The following USP34 variants were observed in gnomAD, a reference collection of about 807,000 sequenced individuals.
USP34 encodes the protein ubiquitin carboxyl-terminal hydrolase 34.
USP34 carries 70 observed loss-of-function variants against 460.3 expected under a neutral mutation model. The ratio of observed to expected loss-of-function variants is 0.15; its 90% CI spans 0.13 to 0.19. The LOEUF (loss-of-function observed/expected upper bound fraction) is 0.19. USP34 is among the 10% of genes least tolerant of loss of function. USP34 has a pLI of 1.00. For missense variants in USP34, 3,985 were observed against 4,236.2 expected (o/e 0.94, Z 1.65); for synonymous variants, 1,647 against 1,405.3 (o/e 1.17, Z -3.85).
Position 61,188,408 on chromosome 2 carries a change from G to A in USP34, c.10335C>T (p.Asp3445=), listed in dbSNP as rs373276020. Residue 3445 remains aspartate, a synonymous_variant, in exon 80 of 80, where the codon GAC becomes GAT. Transcript: ENST00000398571. ...AEEQSNNGRY[D]DCKEFKDLHC... ...GGAGGTCTTTAAATTCTTTACAATC[G>A]TCATATCTACCATTGTTGGACTGTT... 55 of 1,614,016 alleles carry A rather than the reference G, an allele frequency of 3.4e-5. No individual in the cohort carries two copies. The highest frequency in any genetic ancestry group is 1.5e-4 in the South Asian group (14 of 91,090).
In USP34 at chr2:61,390,499, TTTG is replaced by T. The variant is rs1233123754; in HGVS notation, c.753+4351_753+4353del. Among the ~76,000 whole-genome samples the T allele has an allele frequency of 4.6e-5, 7 of 152,334 alleles. No individual in the cohort carries two copies. In the East Asian group the frequency reaches 1.4e-3, roughly 29 times the overall value. On this transcript the variant is annotated intron_variant, in intron 5 of 79. Transcript: ENST00000398571. Reference sequence around the variant, plus strand: ...AAAGTAAGAAAACTACATAAAGATCTTTGTTGTTTTCTTGTGGGTGCAGCTGTT... The same window carrying T: ...AAAGTAAGAAAACTACATAAAGATCTTTGTTTTCTTGTGGGTGCAGCTGTT...
chr2:61,334,186 G>A (rs541772729), intron 18 of USP34, among the ~76,000 whole-genome samples: 11 of 152,112 alleles, frequency 7.2e-5, no homozygotes, highest in African/African-American at 2.4e-4. Context: ...GATCTTTAAG[G>A]TAAAACACAC....
intron 62 of USP34, 170 bp downstream of exon 62, chr2:61,226,897 G>T: frequency 1.3e-6 from 1 of 792,456 alleles, no homozygotes; most frequent in Non-Finnish European, 1.8e-6. Flanking sequence ...CACAAGAGTT[G>T]ATGAATAGTA....
chr2:61,431,707 T>C (rs896757651), intron 1 of USP34, among the ~76,000 whole-genome samples: 2 of 151,830 alleles, frequency 1.3e-5, no homozygotes, highest in Admixed American at 6.6e-5. Context: ...TTCAAAAACT[T>C]AGCCGGGCAT....
In USP34 at chr2:61,370,524, T is replaced by C. The variant is rs1692587301; in HGVS notation, c.1132A>G (p.Ile378Val). The change falls in exon 9 of 80, where the codon ATA becomes GTA. Residue 378 changes from isoleucine to valine, a missense_variant. Coordinates refer to ENST00000398571, the MANE Select transcript of USP34 (RefSeq NM_014709.4). The stretch of plus-strand genomic sequence containing the variant: ...TCAATATGTAAATTTGGTCCAAATA[T>C]ATGCTCCACCACATTGTTGCTAATA... ...WLISNNVVEH[I>V]FGPNLHIEII... 1.2e-6 allele frequency: 2 copies of C among 1,613,900 alleles called. No individual in the cohort carries two copies. Among genetic ancestry groups the C allele is most frequent in the African/African-American group, 1.3e-5 (1 of 74,908 alleles).
chr2:61,241,568 A>G lies in USP34; in HGVS notation c.6769T>C (p.Leu2257=). Residue 2257 remains leucine, a synonymous_variant, in exon 53 of 80, where the codon TTA becomes CTA. Coordinates refer to ENST00000398571, the MANE Select transcript of USP34 (RefSeq NM_014709.4). ...ATGAAATTAACTTATACCTCTAGTA[A>G]CTCTGACGAAACATCAAATTTGTAT... ...REYKFDVSSE[L]LEWIWHDNMQ... is the part of the protein sequence containing the mutation. 1 of 1,600,588 alleles carries G rather than the reference A, an allele frequency of 6.2e-7. No homozygotes were observed. Among genetic ancestry groups the G allele is most frequent in the Non-Finnish European group, 8.5e-7 (1 of 1,175,930 alleles).
At chr2:61,327,987 A>G (rs1032954596) in intron 20 of USP34, among the ~76,000 whole-genome samples, 2 of 152,232 alleles carry the variant, frequency 1.3e-5, no homozygotes, top group Non-Finnish European at 2.9e-5. Flanking sequence ...GATTCAGGAA[A>G]CACGTAATAT....
intron 3 of USP34, among the ~76,000 whole-genome samples, chr2:61,400,142 TTC>T (rs1693670628): frequency 6.6e-6 from 1 of 150,926 alleles, no homozygotes; most frequent in Non-Finnish European, 1.5e-5. Flanking sequence ...TGGAGTCGCA[TTC>T]TGTTGCCCAG....
At chr2:61,266,215 A>C in intron 41 of USP34, 48 bp from the exon 42 acceptor site, 2 of 1,523,134 alleles carry the variant, frequency 1.3e-6, no homozygotes, top group African/African-American at 2.7e-5. Flanking sequence ...TATTAATTAC[A>C]TTCCAAATAT....
At chr2:61,240,739 A>G (rs1350138529) in intron 53 of USP34, among the ~76,000 whole-genome samples, 1 of 151,688 alleles carries the variant, frequency 6.6e-6, no homozygotes, top group African/African-American at 2.4e-5. Flanking sequence ...ACACCCAGCT[A>G]ATCTTTGTAT....
At chr2:61,451,682 CA>C (rs1179640424) in intron 1 of USP34, among the ~76,000 whole-genome samples, 20 of 128,900 alleles carry the variant, frequency 1.6e-4, no homozygotes, top group South Asian at 2.4e-4. Flanking sequence ...AACCCCGCCT[CA>C]AAAAAAAAAA....
intron 5 of USP34, among the ~76,000 whole-genome samples, chr2:61,386,865 G>A (rs776769689): frequency 1.3e-5 from 2 of 152,130 alleles, no homozygotes; most frequent in Non-Finnish European, 2.9e-5. Context: ...AACCAAAAAT[G>A]AAAACCTTAA....
chr2:61,382,923 C>T (rs1693017413), intron 6 of USP34, among the ~76,000 whole-genome samples: 1 of 152,158 alleles, frequency 6.6e-6, no homozygotes, highest in African/African-American at 2.4e-5. Flanking sequence ...TGCACAAGAG[C>T]AGAGATTTTT....
At chr2:61,199,712 C>G (rs1686913413) in intron 75 of USP34, among the ~76,000 whole-genome samples, 1 of 152,240 alleles carries the variant, frequency 6.6e-6, no homozygotes, top group Non-Finnish European at 1.5e-5. Flanking sequence ...TCTACCAAGT[C>G]CTCATGTATC....
At chr2:61,236,298 A>G in intron 54 of USP34, 27 bp downstream of exon 54, 1 of 1,593,176 alleles carries the variant, frequency 6.3e-7, no homozygotes, top group Non-Finnish European at 8.5e-7. Context: ...TGTGTAAAAT[A>G]TCTACTATGA....
At position 61,395,164 on chromosome 2, in the gene USP34, A is replaced by G. The variant is rs536399792; in HGVS notation, c.603+19T>C. The G allele has an allele frequency of 1.0e-5, 15 of 1,491,182 alleles. No individual in the cohort carries two copies. The East Asian group carries it at 3.2e-4, about 32-fold the overall frequency. 92.4% of individuals were successfully genotyped at this position (1,491,182 alleles called of 1,614,324 possible). ...AAAATAAAATTTTCCATAAAAGAAT[A>G]AAAAAGGTAAACACTTACATTCATA... On this transcript the variant is annotated intron_variant, in intron 4 of 79. Transcript: ENST00000398571.
At chr2:61,245,513 T>C (rs1688396083) in intron 50 of USP34, among the ~76,000 whole-genome samples, 1 of 151,736 alleles carries the variant, frequency 6.6e-6, no homozygotes, top group Non-Finnish European at 1.5e-5. Flanking sequence ...GACCTAGGAT[T>C]AACAAAAGAA....
chr2:61,353,612 G>C (rs1360557905), intron 10 of USP34, among the ~76,000 whole-genome samples: 1 of 148,982 alleles, frequency 6.7e-6, no homozygotes. Context: ...TGTATTTTTA[G>C]TGAAGACAGG....
intron 1 of USP34, among the ~76,000 whole-genome samples, chr2:61,424,358 T>C (rs1452695806): frequency 6.6e-6 from 1 of 152,088 alleles, no homozygotes; most frequent in Non-Finnish European, 1.5e-5. Context: ...TTACGACCAC[T>C]GTCCTACACT....
Sources: gnomAD v4.1 joint callset for allele counts (sites outside exome capture counted in the v4.1 genomes callset) on GRCh38, gnomAD v4.1.1 for gene constraint, MANE v1.5 for transcripts, NCBI Gene and HGNC (gene_info 2026-07-23, HGNC 2026-07-21) for gene names.